Variants in CSMD1 observed in about 807,000 individuals in gnomAD.
CSMD1 encodes the protein CUB and Sushi multiple domains 1.
Under a neutral mutation model 417.5 loss-of-function variants are expected in CSMD1, and 213 were observed. The ratio of observed to expected loss-of-function variants is 0.51; its 90% CI spans 0.46 to 0.57. The LOEUF is 0.57. CSMD1 is among the 20% of genes least tolerant of loss of function. The probability of loss-of-function intolerance (pLI) is 0.00; values close to 1 mark genes in which losing one functional copy is unlikely to be tolerated. For missense variants in CSMD1, 6,923 were observed against 4,529.7 expected, an observed-to-expected ratio of 1.53 and a Z score of -15.17; for synonymous variants, 2,862 against 1,736.8, an observed-to-expected ratio of 1.65 and a Z score of -16.11.
intron 10 of CSMD1, among the ~76,000 whole-genome samples, chr8:3,551,019 T>C (rs1482056574): frequency 2.6e-5 from 4 of 152,162 alleles, no homozygotes; most frequent in African/African-American, 9.7e-5. Context: ...AATGCATTAG[T>C]CAGGATCAGC....
Position 3,751,326 on chromosome 8 carries a change from G to GTATA in CSMD1, c.931+2600_931+2603dup, listed in dbSNP as rs375444006. Among the ~76,000 whole-genome samples the GTATA allele has an allele frequency of 2.0e-4, 26 of 132,930 alleles. No individual in the cohort carries two copies. In the South Asian group the frequency reaches 2.0e-3, roughly 10 times the overall value. The allele number at this position is 132,930 out of a possible 152,430, so 87.2% of individuals were successfully genotyped here. ...TGTGTGTGTGTGTGTGTGTGTGTGT[G>GTATA]TATATATATATATATACACGAACAC... On this transcript the variant is annotated intron_variant, in intron 6 of 69. Transcript: ENST00000635120.
At chr8:3,385,384 T>C (rs1810944415) in intron 18 of CSMD1, among the ~76,000 whole-genome samples, 1 of 151,624 alleles carries the variant, frequency 6.6e-6, no homozygotes, top group Non-Finnish European at 1.5e-5. Flanking sequence ...GTATTTCTAA[T>C]AAGTTATATC....
At chr8:4,066,131 T>A (rs1394398845) in intron 3 of CSMD1, among the ~76,000 whole-genome samples, 1 of 151,710 alleles carries the variant, frequency 6.6e-6, no homozygotes, top group Non-Finnish European at 1.5e-5. Context: ...TTGTTCAAGC[T>A]CTTTTCTCTG....
intron 7 of CSMD1, among the ~76,000 whole-genome samples, chr8:3,625,373 G>A (rs1447279611): frequency 6.6e-6 from 1 of 152,042 alleles, no homozygotes; most frequent in Non-Finnish European, 1.5e-5. Context: ...AGAGACAAGG[G>A]CTGCATTTTC....
chr8:4,583,264 G>A (rs965373368), intron 2 of CSMD1, among the ~76,000 whole-genome samples: 6 of 152,214 alleles, frequency 3.9e-5, no homozygotes, highest in Non-Finnish European at 5.9e-5. Flanking sequence ...CGTGGTGCGG[G>A]ACCCACCGAG....
intron 3 of CSMD1, among the ~76,000 whole-genome samples, chr8:4,233,705 C>T (rs372465701): frequency 6.6e-6 from 1 of 152,110 alleles, no homozygotes; most frequent in African/African-American, 2.4e-5. Context: ...TTTGGTACAG[C>T]AGCCCCAACA....
intron 30 of CSMD1, among the ~76,000 whole-genome samples, chr8:3,211,109 G>A (rs1228121776): frequency 6.6e-6 from 1 of 152,122 alleles, no homozygotes; most frequent in Non-Finnish European, 1.5e-5. Flanking sequence ...CAGTGATCCA[G>A]TCACGGCTCA....
At chr8:3,996,569 G>A (rs939653362) in intron 5 of CSMD1, among the ~76,000 whole-genome samples, 5 of 151,988 alleles carry the variant, frequency 3.3e-5, no homozygotes, top group African/African-American at 1.2e-4. Flanking sequence ...TTGCTTCCAT[G>A]AACTCTAATG....
At chr8:3,687,735 T>A (rs776451708) in intron 7 of CSMD1, among the ~76,000 whole-genome samples, 1 of 152,156 alleles carries the variant, frequency 6.6e-6, no homozygotes, top group Non-Finnish European at 1.5e-5. Flanking sequence ...GCTGCTATCT[T>A]GAAGACAGCA....
At chr8:4,089,292 T>A (rs1174574353) in intron 3 of CSMD1, among the ~76,000 whole-genome samples, 1 of 152,116 alleles carries the variant, frequency 6.6e-6, no homozygotes, top group Non-Finnish European at 1.5e-5. Context: ...GCCTGCCAAC[T>A]TGTAGATGTT....
intron 3 of CSMD1, among the ~76,000 whole-genome samples, chr8:4,226,723 A>T (rs1801382514): frequency 6.6e-6 from 1 of 152,158 alleles, no homozygotes; most frequent in Non-Finnish European, 1.5e-5. Context: ...AAAAAAAATG[A>T]GTTTTTAATA....
intron 3 of CSMD1, among the ~76,000 whole-genome samples, chr8:4,126,508 G>T (rs1355119742): frequency 1.3e-5 from 2 of 152,186 alleles, no homozygotes; most frequent in African/African-American, 2.4e-5. Flanking sequence ...CTGGAAGCAG[G>T]AGGTCTCCCA....
Position 4,447,645 on chromosome 8 carries a change from G to C in CSMD1, c.303-27580C>G, listed in dbSNP as rs73660844. Among the ~76,000 whole-genome samples the C allele has an allele frequency of 7.0e-3, 1,061 of 152,210 alleles. 17 individuals are homozygous for C. Among genetic ancestry groups the C allele is most frequent in the African/African-American group, 0.024 (1,011 of 41,542 alleles). On this transcript the variant is annotated intron_variant, in intron 2 of 69. Transcript: ENST00000635120. ...GCTTGTTCAAAGTCGACAGGTTTACGGAAAAGGAAGGAATGGTTTCCACAC... is the reference window on the plus strand; with the variant it reads ...GCTTGTTCAAAGTCGACAGGTTTACCGAAAAGGAAGGAATGGTTTCCACAC...
rs1171901427 is a variant in CSMD1, at chr8:3,367,071, A to G, written c.3076T>C (p.Phe1026Leu). The change falls in exon 20 of 70, where the codon TTC becomes CTC. Residue 1026 changes from phenylalanine to leucine, a missense_variant. By Grantham distance (22) the Phe-to-Leu change is conservative. Transcript: ENST00000635120. ...FTAQLRFISD[F>L]SISYEGFNIT... ...TTGAAGCCCTCGTACGAAATTGAGAAGTCTGATATAAACCGAAGCTGGGCA... is the reference window on the plus strand; with the variant it reads ...TTGAAGCCCTCGTACGAAATTGAGAGGTCTGATATAAACCGAAGCTGGGCA... 6.2e-7 allele frequency: 1 copy of G among 1,613,856 alleles called. No individual in the cohort carries two copies. The highest frequency in any genetic ancestry group is 2.2e-5 in the East Asian group (1 of 44,852).
intron 2 of CSMD1, among the ~76,000 whole-genome samples, chr8:4,505,871 T>G (rs1154101): frequency 0.74 from 112,585 of 151,616 alleles, 42,725 homozygotes; most frequent in African/African-American, 0.91. Flanking sequence ...CGCGATCTCA[T>G]CTCCCTAACC....
intron 3 of CSMD1, among the ~76,000 whole-genome samples, chr8:4,320,443 T>G (rs1016616963): frequency 6.6e-6 from 1 of 152,112 alleles, no homozygotes; most frequent in Non-Finnish European, 1.5e-5. Context: ...CGTGCCATGA[T>G]GGTTTTCTGC....
chr8:4,338,337 C>T (rs1228591327), intron 3 of CSMD1, among the ~76,000 whole-genome samples: 1 of 152,034 alleles, frequency 6.6e-6, no homozygotes, highest in Non-Finnish European at 1.5e-5. Flanking sequence ...GTGATCTGTT[C>T]CAGGGCTCTC....
intron 2 of CSMD1, among the ~76,000 whole-genome samples, chr8:4,504,370 T>C (rs897507119): frequency 1.3e-5 from 2 of 152,142 alleles, no homozygotes; most frequent in African/African-American, 4.8e-5. Context: ...TTGGGTTATA[T>C]CTGATGAGTA....
chr8:4,475,474 T>C (rs747675711), intron 2 of CSMD1, among the ~76,000 whole-genome samples: 1 of 152,170 alleles, frequency 6.6e-6, no homozygotes, highest in Non-Finnish European at 1.5e-5. Flanking sequence ...TGATTCTCGA[T>C]ACAGAGAACC....
Sources: allele counts gnomAD v4.1 joint callset (sites outside exome capture counted in the v4.1 genomes callset), GRCh38; gene constraint gnomAD v4.1.1; transcripts MANE v1.5; gene names NCBI Gene and HGNC (gene_info 2026-07-23, HGNC 2026-07-21).